The following CDH13 variants were observed in gnomAD, a reference collection of about 807,000 sequenced individuals.
CDH13 encodes cadherin 13, also known as cadherin-13.
CDH13 carries 24 observed loss-of-function variants against 63.8 expected under a neutral mutation model. That is an observed-to-expected ratio of 0.38 (90% CI 0.27 to 0.53). The LOEUF (loss-of-function observed/expected upper bound fraction) is 0.53, where lower values mean the gene tolerates loss of function less well. CDH13 is among the 20% of genes least tolerant of loss of function. CDH13 has a pLI of 0.85. For missense variants in CDH13, 1,049 were observed against 903.1 expected, an observed-to-expected ratio of 1.16 and a Z score of -2.07; for synonymous variants, 503 against 355.3, an observed-to-expected ratio of 1.42 and a Z score of -4.67.
intron 7 of CDH13, among the ~76,000 whole-genome samples, chr16:83,580,165 G>C (rs1309578350): frequency 6.6e-6 from 1 of 152,158 alleles, no homozygotes; most frequent in Non-Finnish European, 1.5e-5. Context: ...GCAACAGGGA[G>C]TCATGCAAGG....
chr16:83,424,923 G>A (rs748778254), intron 6 of CDH13, among the ~76,000 whole-genome samples: 4 of 152,292 alleles, frequency 2.6e-5, no homozygotes, highest in South Asian at 4.1e-4. Flanking sequence ...GGCCTGATTC[G>A]TTAGTGGAAC....
At chr16:82,712,834 G>T (rs554943227) in intron 1 of CDH13, among the ~76,000 whole-genome samples, 1 of 152,018 alleles carries the variant, frequency 6.6e-6, no homozygotes, top group South Asian at 2.1e-4. Flanking sequence ...TCCACCATCA[G>T]CTTCTCCCCT....
chr16:83,269,541 C>T (rs559674247), intron 5 of CDH13, among the ~76,000 whole-genome samples: 8 of 152,162 alleles, frequency 5.3e-5, no homozygotes, highest in Admixed American at 2.0e-4. Flanking sequence ...TACAGAGTGC[C>T]ATGGGAACTC....
At chr16:83,474,224 C>T (rs1022966318) in intron 6 of CDH13, among the ~76,000 whole-genome samples, 3 of 152,190 alleles carry the variant, frequency 2.0e-5, no homozygotes, top group Non-Finnish European at 4.4e-5. Context: ...AAGGTCTCCT[C>T]CTCAGTGCCC....
chr16:83,128,112 A>G (rs573277706), intron 4 of CDH13, among the ~76,000 whole-genome samples: 9 of 152,300 alleles, frequency 5.9e-5, no homozygotes, highest in African/African-American at 1.7e-4. Context: ...AGCTCTCACC[A>G]TGCATCAGAA....
intron 8 of CDH13, among the ~76,000 whole-genome samples, chr16:83,668,210 C>T (rs1272110065): frequency 2.6e-4 from 39 of 152,164 alleles, no homozygotes; most frequent in Admixed American, 2.6e-3. Flanking sequence ...ACCTCTGCTG[C>T]CAGATCCCAC....
intron 3 of CDH13, among the ~76,000 whole-genome samples, chr16:83,101,306 T>A (rs13331429): frequency 0.034 from 5,074 of 150,400 alleles, 287 homozygotes; most frequent in African/African-American, 0.12. Flanking sequence ...GTATTATATA[T>A]AGTGTATTGT....
At chr16:82,628,802 CTCAGACAGAAAGGAT>C (rs1907666613) in intron 1 of CDH13, among the ~76,000 whole-genome samples, 1 of 152,196 alleles carries the variant, frequency 6.6e-6, no homozygotes, top group Non-Finnish European at 1.5e-5. Context: ...TGGAGCATGC[CTCAGACAGAAAGGAT>C]TCAGACAGAT....
intron 10 of CDH13, among the ~76,000 whole-genome samples, chr16:83,723,827 A>G (rs937664437): frequency 1.3e-5 from 2 of 152,252 alleles, no homozygotes; most frequent in African/African-American, 4.8e-5. Context: ...ATAAATATTG[A>G]AAGAATGAGG....
chr16:82,893,427 C>G (rs530223998), intron 2 of CDH13, among the ~76,000 whole-genome samples: 1 of 152,296 alleles, frequency 6.6e-6, no homozygotes, highest in Non-Finnish European at 1.5e-5. Context: ...GAAATGTGGA[C>G]TGGGCCAACT....
intron 3 of CDH13, among the ~76,000 whole-genome samples, chr16:83,068,843 CTTG>C (rs1390630486): frequency 3.9e-5 from 6 of 152,120 alleles, no homozygotes; most frequent in Admixed American, 2.6e-4. Context: ...TCCCTGCCCC[CTTG>C]TTGTTCAATT....
chr16:82,771,376 T>C (rs939315269), intron 1 of CDH13, among the ~76,000 whole-genome samples: 1 of 152,242 alleles, frequency 6.6e-6, no homozygotes, highest in Non-Finnish European at 1.5e-5. Context: ...TTAGAAAGGA[T>C]ATATTAAATT....
chr16:83,432,810 G>C (rs2072163203), intron 6 of CDH13, among the ~76,000 whole-genome samples: 1 of 152,160 alleles, frequency 6.6e-6, no homozygotes. Flanking sequence ...AGTGCAAACA[G>C]GTTGCTAGGA....
chr16:82,868,227 C>T (rs1009517579), intron 2 of CDH13, among the ~76,000 whole-genome samples: 7 of 152,238 alleles, frequency 4.6e-5, no homozygotes, highest in South Asian at 2.1e-4. Context: ...ATGAAGTTGA[C>T]GATACATCGG....
At chr16:82,663,507 C>A (rs1309684172) in intron 1 of CDH13, among the ~76,000 whole-genome samples, 2 of 152,080 alleles carry the variant, frequency 1.3e-5, no homozygotes, top group Admixed American at 1.3e-4. Flanking sequence ...TTTACACAGT[C>A]CCCTGTATGT....
intron 1 of CDH13, among the ~76,000 whole-genome samples, chr16:82,671,779 G>A (rs1037507503): frequency 1.3e-5 from 2 of 152,088 alleles, no homozygotes; most frequent in African/African-American, 2.4e-5. Context: ...CTTTCTGGGT[G>A]TTCTTTGGGC....
chr16:82,795,299 C>G (rs1404515325), intron 1 of CDH13, among the ~76,000 whole-genome samples: 4 of 152,142 alleles, frequency 2.6e-5, no homozygotes, highest in African/African-American at 4.8e-5. Context: ...TAAACTCAGC[C>G]TCAGTGGACC....
At chr16:82,829,840 G>T (rs1421392312) in intron 1 of CDH13, among the ~76,000 whole-genome samples, 1 of 152,108 alleles carries the variant, frequency 6.6e-6, no homozygotes, top group African/African-American at 2.4e-5. Flanking sequence ...GATTCTTAAA[G>T]ATTTGTTTTC....
chr16:82,828,680 A>G (rs2038380145), intron 1 of CDH13, among the ~76,000 whole-genome samples: 1 of 151,956 alleles, frequency 6.6e-6, no homozygotes, highest in Non-Finnish European at 1.5e-5. Flanking sequence ...ATATATATGT[A>G]TACACAAACA....
Sources: allele counts gnomAD v4.1 joint callset (sites outside exome capture counted in the v4.1 genomes callset), GRCh38; gene constraint gnomAD v4.1.1; transcripts MANE v1.5; gene names NCBI Gene and HGNC (gene_info 2026-07-23, HGNC 2026-07-21).